Variants in SNCAIP observed in about 807,000 individuals in gnomAD.
SNCAIP encodes synphilin-1.
In SNCAIP, 43 loss-of-function variants were observed where a neutral mutation model predicts 86.7. The ratio of observed to expected loss-of-function variants is 0.50; its 90% CI spans 0.39 to 0.64. SNCAIP has a LOEUF of 0.64. Ranked by LOEUF, SNCAIP falls within the 30% of genes least tolerant of loss-of-function variation. The probability of loss-of-function intolerance (pLI) is 0.00; values close to 1 mark genes in which losing one functional copy is unlikely to be tolerated. For missense variants in SNCAIP, 981 were observed against 1,103.1 expected (o/e 0.89, Z 1.57); for synonymous variants, 417 against 427.2 (o/e 0.98, Z 0.29).
Position 122,392,004 on chromosome 5 carries a change from CA to C in SNCAIP, c.57+815del, listed in dbSNP as rs774985332. 1.1e-4 allele frequency among the ~76,000 whole-genome samples: 17 copies of C among 152,326 alleles called. No homozygotes were observed. In the East Asian group the frequency reaches 3.3e-3, roughly 29 times the overall value. On this transcript the variant is annotated intron_variant, in intron 2 of 10. Transcript: ENST00000261368. ...ATACAACTTTTCTTTCCAGGACCCTCAAGTTCACAACTTCTAACCTTATCTT... is the reference window on the plus strand; with the variant it reads ...ATACAACTTTTCTTTCCAGGACCCTCAGTTCACAACTTCTAACCTTATCTT...
rs1224156376 is a variant in SNCAIP at position 122,423,358 on chromosome 5, T to G, written c.621T>G (p.Phe207Leu). Reference sequence around the variant, plus strand: ...GCTCATCATCCAACATGGCACCATTTTGTGTTCTTTCTCCCGTGAAAAGCC... The same window carrying G: ...GCTCATCATCCAACATGGCACCATTGTGTGTTCTTTCTCCCGTGAAAAGCC... Reference protein sequence around the residue: ...SESSSSNMAPFCVLSPVKSPH... With the variant: ...SESSSSNMAPLCVLSPVKSPH... The change falls in exon 4 of 11, where the codon TTT becomes TTG. Residue 207 changes from phenylalanine (F) to leucine (L), a missense_variant. Transcript: ENST00000261368. 1 of 1,613,836 alleles carries G rather than the reference T, an allele frequency of 6.2e-7. No individual in the cohort carries two copies. Among genetic ancestry groups the G allele is most frequent in the South Asian group, 1.1e-5 (1 of 91,078 alleles).
intron 1 of SNCAIP, among the ~76,000 whole-genome samples, chr5:122,348,079 A>G (rs1315915094): frequency 6.6e-6 from 1 of 152,118 alleles, no homozygotes; most frequent in Non-Finnish European, 1.5e-5. Context: ...ATATATTTCA[A>G]TTTTCCTCAA....
chr5:122,393,282 A>C (rs962376623), intron 2 of SNCAIP, among the ~76,000 whole-genome samples: 1 of 152,174 alleles, frequency 6.6e-6, no homozygotes, highest in African/African-American at 2.4e-5. Context: ...AAATAATAAT[A>C]ATAGCTAACG....
At chr5:122,338,102 C>G (rs1406841982) in intron 1 of SNCAIP, among the ~76,000 whole-genome samples, 1 of 152,174 alleles carries the variant, frequency 6.6e-6, no homozygotes, top group Non-Finnish European at 1.5e-5. Context: ...TCTCAAGCAA[C>G]TATTACTTTA....
At chr5:122,420,971 C>G (rs1776257503) in intron 3 of SNCAIP, among the ~76,000 whole-genome samples, 1 of 152,190 alleles carries the variant, frequency 6.6e-6, no homozygotes, top group Non-Finnish European at 1.5e-5. Context: ...CAGAAGGATG[C>G]ACTTTGTGCA....
chr5:122,377,362 C>T (rs892295365), intron 1 of SNCAIP, among the ~76,000 whole-genome samples: 3 of 151,806 alleles, frequency 2.0e-5, no homozygotes, highest in Non-Finnish European at 4.4e-5. Context: ...GTATTTTTTT[C>T]TATTATACAT....
chr5:122,416,623 C>T (rs977063894), intron 3 of SNCAIP, among the ~76,000 whole-genome samples: 1 of 152,184 alleles, frequency 6.6e-6, no homozygotes, highest in Non-Finnish European at 1.5e-5. Flanking sequence ...CCCAGCAAGT[C>T]GTCCTCACTC....
intron 8 of SNCAIP, among the ~76,000 whole-genome samples, chr5:122,446,755 C>T (rs554080141): frequency 1.3e-5 from 2 of 152,166 alleles, no homozygotes; most frequent in African/African-American, 2.4e-5. Flanking sequence ...ACACCAATAA[C>T]ATAGACAAGG....
chr5:122,356,839 C>T (rs1761110091), intron 1 of SNCAIP, among the ~76,000 whole-genome samples: 1 of 152,218 alleles, frequency 6.6e-6, no homozygotes. Flanking sequence ...AGTACCAGGC[C>T]TGGACCGATG....
At position 122,450,830 on chromosome 5, in the gene SNCAIP, A is replaced by G. The variant is rs1055086606; in HGVS notation, c.1983A>G (p.Glu661=). 12 of 1,614,136 alleles carry G rather than the reference A, an allele frequency of 7.4e-6. No homozygotes were observed. Among genetic ancestry groups the G allele is most frequent in the Non-Finnish European group, 9.3e-6 (11 of 1,180,002 alleles). ...NSKKIPLEKR[E]LKLARLRQLM... is the part of the protein sequence containing the mutation. ...AAAAGATCCCACTGGAGAAGAGGGAACTGAAGTTAGCCAGGCTGAGACAGC... is the reference window on the plus strand; with the variant it reads ...AAAAGATCCCACTGGAGAAGAGGGAGCTGAAGTTAGCCAGGCTGAGACAGC... The change falls in exon 10 of 11, where the codon GAA becomes GAG. Residue 661 remains glutamate (E), a synonymous_variant. Coordinates refer to ENST00000261368, the MANE Select transcript of SNCAIP (RefSeq NM_005460.4).
At chr5:122,396,236 G>T (rs1770595035) in intron 2 of SNCAIP, among the ~76,000 whole-genome samples, 1 of 151,968 alleles carries the variant, frequency 6.6e-6, no homozygotes, top group Non-Finnish European at 1.5e-5. Flanking sequence ...CTTAATACCT[G>T]CCAGGAAATG....
At chr5:122,321,725 C>G (rs868756213) in intron 1 of SNCAIP, 1 of 152,164 alleles carries the variant, frequency 6.6e-6, no homozygotes, top group Admixed American at 6.5e-5. Context: ...GTTCCCCCAT[C>G]GCAGGGGCTC....
intron 10 of SNCAIP, among the ~76,000 whole-genome samples, chr5:122,462,846 C>A (rs1347259123): frequency 6.6e-6 from 1 of 152,140 alleles, no homozygotes; most frequent in East Asian, 1.9e-4. Flanking sequence ...GGGAGTAATA[C>A]CTCATGAAAA....
intron 2 of SNCAIP, among the ~76,000 whole-genome samples, chr5:122,395,292 C>T (rs1304916409): frequency 6.6e-6 from 1 of 152,098 alleles, no homozygotes; most frequent in Non-Finnish European, 1.5e-5. Context: ...CACATATATA[C>T]ATGTAAGTAT....
intron 8 of SNCAIP, among the ~76,000 whole-genome samples, chr5:122,446,394 C>CTCAGAG (rs1433626770): frequency 1.3e-5 from 2 of 152,218 alleles, no homozygotes; most frequent in East Asian, 3.8e-4. Flanking sequence ...AAGGGAATCA[C>CTCAGAG]AAAACATCCT....
intron 1 of SNCAIP, among the ~76,000 whole-genome samples, chr5:122,329,336 A>T (rs1754791074): frequency 6.6e-6 from 1 of 152,168 alleles, no homozygotes; most frequent in Non-Finnish European, 1.5e-5. Flanking sequence ...CAGGAAAACA[A>T]ATGAGAATTA....
chr5:122,360,936 A>G (rs1345229819), intron 1 of SNCAIP, among the ~76,000 whole-genome samples: 5 of 152,170 alleles, frequency 3.3e-5, no homozygotes, highest in South Asian at 2.1e-4. Flanking sequence ...TTAAGCCACA[A>G]AAAACTAGAA....
intron 8 of SNCAIP, among the ~76,000 whole-genome samples, chr5:122,445,893 C>A (rs1441467394): frequency 6.6e-6 from 1 of 151,904 alleles, no homozygotes; most frequent in African/African-American, 2.4e-5. Flanking sequence ...CTTTTGCCTT[C>A]AAGCTACAAG....
At chr5:122,455,576 A>G (rs1366548525) in intron 10 of SNCAIP, among the ~76,000 whole-genome samples, 1 of 152,182 alleles carries the variant, frequency 6.6e-6, no homozygotes, top group Non-Finnish European at 1.5e-5. Context: ...TTGCCTCTAC[A>G]TGGCCCTATC....
Sources: gnomAD v4.1 joint callset for allele counts (sites outside exome capture counted in the v4.1 genomes callset) on GRCh38, gnomAD v4.1.1 for gene constraint, MANE v1.5 for transcripts, NCBI Gene and HGNC (gene_info 2026-07-23, HGNC 2026-07-21) for gene names.